The following IL1RAPL1 variants were observed in gnomAD, a reference collection of about 807,000 sequenced individuals.
IL1RAPL1 encodes the protein interleukin-1 receptor accessory protein-like 1.
Under a neutral mutation model 48.4 loss-of-function variants are expected in IL1RAPL1, and 3 were observed. The observed-to-expected ratio is 0.06, with a 90% CI of 0.03 to 0.16. The LOEUF (loss-of-function observed/expected upper bound fraction) is 0.16. IL1RAPL1 is among the 10% of genes least tolerant of loss of function. The probability of loss-of-function intolerance (pLI) is 1.00; values close to 1 mark genes in which losing one functional copy is unlikely to be tolerated. For synonymous variants in IL1RAPL1, 185 were observed against 187.7 expected (o/e 0.99, Z 0.12); for missense variants, 349 against 530.6 (o/e 0.66, Z 3.36).
chrX:29,871,537 C>G (rs1009735424), intron 6 of IL1RAPL1, among the ~76,000 whole-genome samples: 5 of 111,847 alleles, frequency 4.5e-5, no homozygotes, highest in Non-Finnish European at 7.5e-5. Flanking sequence ...AGTGTCTGAC[C>G]TGAAAGTGAC....
chrX:28,828,920 G>T (rs1601921026), intron 2 of IL1RAPL1, among the ~76,000 whole-genome samples: 2 of 111,801 alleles, frequency 1.8e-5, no homozygotes, highest in African/African-American at 3.2e-5. Flanking sequence ...CCTTTTGATA[G>T]GGATTGCTTT....
At chrX:29,402,199 C>T (rs1401110472) in intron 5 of IL1RAPL1, among the ~76,000 whole-genome samples, 1 of 111,692 alleles carries the variant, frequency 9.0e-6, no homozygotes, top group Non-Finnish European at 1.9e-5. Context: ...ATTAGCCTTA[C>T]CCACATTGAA....
At chrX:29,898,353 A>AT (rs929829836) in intron 6 of IL1RAPL1, among the ~76,000 whole-genome samples, 2 of 112,260 alleles carry the variant, frequency 1.8e-5, no homozygotes, top group Admixed American at 1.9e-4. Context: ...TCAATGAGGA[A>AT]TATTTTCATT....
chrX:29,382,934 A>T (rs1168035135), intron 3 of IL1RAPL1, among the ~76,000 whole-genome samples: 4 of 112,053 alleles, frequency 3.6e-5, no homozygotes, highest in Non-Finnish European at 7.5e-5. Flanking sequence ...GGATAAGGAG[A>T]TTAAATAGGA....
intron 6 of IL1RAPL1, among the ~76,000 whole-genome samples, chrX:29,849,668 G>GAACA (rs1931322649): frequency 9.0e-6 from 1 of 110,865 alleles, no homozygotes; most frequent in Non-Finnish European, 1.9e-5. Context: ...CAGGCAGAGG[G>GAACA]AACAACAGGA....
chrX:29,605,116 ACACACAC>A (rs1923849629), intron 5 of IL1RAPL1, among the ~76,000 whole-genome samples: 1 of 99,631 alleles, frequency 1.0e-5, no homozygotes, highest in African/African-American at 3.8e-5. Context: ...ACACACACAC[ACACACAC>A]ACACGGAGGG....
At chrX:29,778,468 C>T (rs896458264) in intron 6 of IL1RAPL1, among the ~76,000 whole-genome samples, 5 of 111,813 alleles carry the variant, frequency 4.5e-5, no homozygotes, top group African/African-American at 1.6e-4. Flanking sequence ...GCTCCATGAG[C>T]GCAGGTATTG....
At chrX:29,649,854 G>C (rs1925459384) in intron 5 of IL1RAPL1, among the ~76,000 whole-genome samples, 1 of 111,206 alleles carries the variant, frequency 9.0e-6, no homozygotes, top group Non-Finnish European at 1.9e-5. Context: ...TATATATATA[G>C]AAAACCCTGA....
At chrX:29,458,452 A>G (rs1194396209) in intron 5 of IL1RAPL1, among the ~76,000 whole-genome samples, 4 of 64,660 alleles carry the variant, frequency 6.2e-5, no homozygotes, top group African/African-American at 2.2e-4. Context: ...AGAGAGTTCT[A>G]CTCCTTGACT....
At chrX:29,777,695 C>A (rs1246821969) in intron 6 of IL1RAPL1, among the ~76,000 whole-genome samples, 2 of 110,814 alleles carry the variant, frequency 1.8e-5, no homozygotes, top group East Asian at 5.6e-4. Context: ...ATAGAGATAA[C>A]AATTAGAATA....
At chrX:29,069,651 A>G (rs1927522541) in intron 2 of IL1RAPL1, among the ~76,000 whole-genome samples, 1 of 109,114 alleles carries the variant, frequency 9.2e-6, no homozygotes, top group African/African-American at 3.3e-5. Flanking sequence ...ACACACACAC[A>G]CACACACACA....
chrX:29,661,528 C>A (rs1925848096), intron 5 of IL1RAPL1, among the ~76,000 whole-genome samples: 1 of 112,196 alleles, frequency 8.9e-6, no homozygotes, highest in Non-Finnish European at 1.9e-5. Context: ...AAGACCACTT[C>A]CCTTTGGGGG....
At chrX:29,853,627 G>T (rs899775795) in intron 6 of IL1RAPL1, among the ~76,000 whole-genome samples, 21 of 111,280 alleles carry the variant, frequency 1.9e-4, no homozygotes, top group Non-Finnish European at 3.8e-4. Context: ...AATTATTAAG[G>T]CAATAAGCAT....
intron 2 of IL1RAPL1, among the ~76,000 whole-genome samples, chrX:28,892,891 C>A (rs1922811114): frequency 9.0e-6 from 1 of 111,090 alleles, no homozygotes; most frequent in Non-Finnish European, 1.9e-5. Flanking sequence ...GTATTAAAGG[C>A]CTAAGAATTG....
At chrX:29,398,544 A>G (rs5927346) in intron 4 of IL1RAPL1, among the ~76,000 whole-genome samples, 1 of 112,021 alleles carries the variant, frequency 8.9e-6, no homozygotes, top group East Asian at 2.8e-4. Context: ...AACTCTAAAG[A>G]CCTTGCATAT....
intron 1 of IL1RAPL1, among the ~76,000 whole-genome samples, chrX:28,649,540 T>C (rs1934659469): frequency 8.9e-6 from 1 of 112,965 alleles, no homozygotes. Flanking sequence ...TGATTACTAA[T>C]GGGAAATAGT....
intron 2 of IL1RAPL1, among the ~76,000 whole-genome samples, chrX:29,265,677 T>C (rs2147586694): frequency 1.1e-5 from 1 of 88,608 alleles, no homozygotes; most frequent in South Asian, 6.8e-4. Context: ...TGTGTCCACG[T>C]GTTCTCATTG....
intron 2 of IL1RAPL1, among the ~76,000 whole-genome samples, chrX:29,128,163 A>G (rs1928939240): frequency 9.0e-6 from 1 of 110,924 alleles, no homozygotes; most frequent in African/African-American, 3.3e-5. Context: ...ATCTTGGACA[A>G]GGTGATCAAA....
At chrX:28,732,943 G>A (rs1935773098) in intron 1 of IL1RAPL1, among the ~76,000 whole-genome samples, 1 of 111,304 alleles carries the variant, frequency 9.0e-6, no homozygotes, top group African/African-American at 3.3e-5. Flanking sequence ...AATTCTAGAG[G>A]CAGATTACCT....
Sources: allele counts gnomAD v4.1 joint callset (sites outside exome capture counted in the v4.1 genomes callset), GRCh38; gene constraint gnomAD v4.1.1; transcripts MANE v1.5; gene names NCBI Gene and HGNC (gene_info 2026-07-23, HGNC 2026-07-21).